IKZF1: variants seen among roughly 807,000 people sequenced by gnomAD.
IKZF1 encodes IKAROS family zinc finger 1, also known as DNA-binding protein Ikaros.
In IKZF1, 10 loss-of-function variants were observed where a neutral mutation model predicts 51.7. That is an observed-to-expected ratio of 0.19 (90% CI 0.12 to 0.33). The LOEUF (loss-of-function observed/expected upper bound fraction) is 0.33, where lower values mean the gene tolerates loss of function less well. IKZF1 is among the 10% of genes least tolerant of loss of function. The pLI is 1.00. For synonymous variants in IKZF1, 280 were observed against 282.3 expected (o/e 0.99, Z 0.08); for missense variants, 484 against 707.5 (o/e 0.68, Z 3.58).
chr7:50,307,126 A>T (rs910589698), intron 1 of IKZF1, among the ~76,000 whole-genome samples: 1 of 152,180 alleles, frequency 6.6e-6, no homozygotes, highest in Non-Finnish European at 1.5e-5. Context: ...CTAAAACAAG[A>T]TGGATTTCCC....
chr7:50,355,738 T>C (rs181370642), intron 3 of IKZF1, among the ~76,000 whole-genome samples: 4 of 152,348 alleles, frequency 2.6e-5, no homozygotes, highest in Non-Finnish European at 5.9e-5. Flanking sequence ...CAATGAGAGT[T>C]CTGGGGCTAG....
chr7:50,314,916 G>A (rs10269380), intron 1 of IKZF1, among the ~76,000 whole-genome samples: 55,644 of 152,112 alleles, frequency 0.37, 10,573 homozygotes, highest in East Asian at 0.56. Flanking sequence ...TCCCAGTCCC[G>A]CCTCGGTGTG....
At chr7:50,312,340 G>C (rs909395092) in intron 1 of IKZF1, among the ~76,000 whole-genome samples, 2 of 152,046 alleles carry the variant, frequency 1.3e-5, no homozygotes, top group Non-Finnish European at 2.9e-5. Flanking sequence ...TAGTATAGAC[G>C]GGAAGCCTCT....
chr7:50,344,910 A>G (rs1171222431), intron 3 of IKZF1, among the ~76,000 whole-genome samples: 1 of 152,130 alleles, frequency 6.6e-6, no homozygotes, highest in Admixed American at 6.5e-5. Flanking sequence ...AGGGGAAAAA[A>G]TAAAATGTAT....
At chr7:50,307,833 G>A (rs1789178809) in intron 1 of IKZF1, among the ~76,000 whole-genome samples, 1 of 152,084 alleles carries the variant, frequency 6.6e-6, no homozygotes, top group African/African-American at 2.4e-5. Context: ...TTCAGATGAG[G>A]AACAAGATAG....
chr7:50,330,406 G>A (rs1017204241), intron 3 of IKZF1, among the ~76,000 whole-genome samples: 1 of 152,164 alleles, frequency 6.6e-6, no homozygotes, highest in Non-Finnish European at 1.5e-5. Flanking sequence ...CCACAGGAGT[G>A]ATAGGTTACT....
Position 50,339,328 on chromosome 7 carries a change from A to G in IKZF1, c.160+11571A>G, listed in dbSNP as rs1390708387. ...GTGGGGTACATATAATTTGTCCAAC[A>G]GAAGAGTTGGTTCCAAATGACTCTT... is the stretch of plus-strand genomic sequence containing the variant. On this transcript the variant is annotated intron_variant, in intron 3 of 7. Coordinates refer to ENST00000331340, the MANE Select transcript of IKZF1 (RefSeq NM_006060.6). 2.0e-5 allele frequency among the ~76,000 whole-genome samples: 3 copies of G among 151,618 alleles called. No individual in the cohort carries two copies. The East Asian group carries it at 5.8e-4, about 30-fold the overall frequency.
intron 3 of IKZF1, among the ~76,000 whole-genome samples, chr7:50,372,166 AC>A (rs1376279205): frequency 6.6e-6 from 1 of 152,036 alleles, no homozygotes; most frequent in Non-Finnish European, 1.5e-5. Flanking sequence ...TGGATAAGAG[AC>A]CCCCGTTTTC....
chr7:50,338,716 G>T (rs1481232730), intron 3 of IKZF1, among the ~76,000 whole-genome samples: 6 of 152,336 alleles, frequency 3.9e-5, no homozygotes, highest in African/African-American at 1.4e-4. Flanking sequence ...CTAAATGAAA[G>T]CTCTTGCTCT....
At chr7:50,392,126 T>G (rs753774233) in intron 7 of IKZF1, among the ~76,000 whole-genome samples, 11 of 152,176 alleles carry the variant, frequency 7.2e-5, no homozygotes, top group Non-Finnish European at 1.2e-4. Context: ...ACATCGCTCT[T>G]AGGGGCGGCT....
intron 3 of IKZF1, chr7:50,368,434 T>C: frequency 3.2e-6 from 2 of 618,370 alleles, no homozygotes; most frequent in East Asian, 2.7e-5. Flanking sequence ...GAACTGAACA[T>C]GGTTTCAAGA....
At chr7:50,329,983 T>C (rs1796081422) in intron 3 of IKZF1, among the ~76,000 whole-genome samples, 1 of 152,252 alleles carries the variant, frequency 6.6e-6, no homozygotes, top group Non-Finnish European at 1.5e-5. Context: ...GTCAGTATCC[T>C]GTCCCTTACG....
chr7:50,322,999 A>T (rs571096599), intron 2 of IKZF1, among the ~76,000 whole-genome samples: 17 of 152,334 alleles, frequency 1.1e-4, no homozygotes, highest in African/African-American at 4.1e-4. Context: ...CATAAACTGT[A>T]TATATCTAAA....
At chr7:50,315,880 G>C (rs1188636526) in intron 1 of IKZF1, among the ~76,000 whole-genome samples, 1 of 152,118 alleles carries the variant, frequency 6.6e-6, no homozygotes, top group African/African-American at 2.4e-5. Flanking sequence ...GAGAGGAGGG[G>C]CTCAGTAAGT....
At chr7:50,351,655 C>T (rs1801876326) in intron 3 of IKZF1, among the ~76,000 whole-genome samples, 1 of 152,172 alleles carries the variant, frequency 6.6e-6, no homozygotes, top group African/African-American at 2.4e-5. Context: ...TTTCTAGAGC[C>T]CCTGCACTAT....
rs1475564552 is a variant in IKZF1, at chr7:50,357,796, A to C, written c.161-18737A>C. The stretch of plus-strand genomic sequence containing the variant: ...ACTTGGAGAAGTTAGCTCAGGACAC[A>C]CGGAGTGGGAGGGAGGCAACGAGTT... On this transcript the variant is annotated intron_variant, in intron 3 of 7. Coordinates refer to ENST00000331340, the MANE Select transcript of IKZF1 (RefSeq NM_006060.6). 2.6e-5 allele frequency among the ~76,000 whole-genome samples: 4 copies of C among 152,176 alleles called. No homozygotes were observed. The East Asian group carries it at 7.7e-4, about 29-fold the overall frequency.
rs117224409 is a variant in IKZF1, at chr7:50,364,204, C to T, written c.161-12329C>T. 7.2e-4 allele frequency among the ~76,000 whole-genome samples: 109 copies of T among 152,288 alleles called. 2 individuals are homozygous for T. The East Asian group carries it at 0.02, about 28-fold the overall frequency. On this transcript the variant is annotated intron_variant, in intron 3 of 7. Transcript: ENST00000331340. ...GTTTAGCCTCTCCCCAGAGTGACAA[C>T]GGCACAAGAAGTTTATAATTTTATG...
chr7:50,373,396 A>T (rs12718785), intron 3 of IKZF1, among the ~76,000 whole-genome samples: 10 of 152,022 alleles, frequency 6.6e-5, no homozygotes, highest in Non-Finnish European at 1.3e-4. Flanking sequence ...AATAGGCCAT[A>T]TGTGCCCATG....
chr7:50,355,432 G>A (rs1027006739), intron 3 of IKZF1, among the ~76,000 whole-genome samples: 9 of 152,194 alleles, frequency 5.9e-5, no homozygotes, highest in East Asian at 3.9e-4. Context: ...CCTGGCCGCC[G>A]GATGGGAGGC....
Sources: allele counts gnomAD v4.1 joint callset (sites outside exome capture counted in the v4.1 genomes callset), GRCh38; gene constraint gnomAD v4.1.1; transcripts MANE v1.5; gene names NCBI Gene and HGNC (gene_info 2026-07-23, HGNC 2026-07-21).